Variants in METTL24 observed in about 807,000 individuals in gnomAD.
METTL24 encodes the protein probable methyltransferase-like protein 24.
Under a neutral mutation model 32.7 loss-of-function variants are expected in METTL24, and 29 were observed. That is an observed-to-expected ratio of 0.89 (90% CI 0.66 to 1.21). The LOEUF is 1.21. METTL24 is among the 50% of genes most tolerant of loss of function. The pLI is 0.00. For synonymous variants in METTL24, 163 were observed against 179.5 expected, an observed-to-expected ratio of 0.91 and a Z score of 0.73; for missense variants, 439 against 468.1, an observed-to-expected ratio of 0.94 and a Z score of 0.57.
intron 2 of METTL24, among the ~76,000 whole-genome samples, chr6:110,319,728 T>C (rs1375375958): frequency 1.3e-5 from 2 of 150,930 alleles, no homozygotes; most frequent in East Asian, 1.9e-4. Context: ...AAAAAAAAAA[T>C]AGTACCTAAT....
chr6:110,321,266 T>C (rs1771925825), intron 2 of METTL24, among the ~76,000 whole-genome samples: 1 of 151,736 alleles, frequency 6.6e-6, no homozygotes, highest in South Asian at 2.1e-4. Flanking sequence ...AAAAGAAAAA[T>C]TTTCTCCTCT....
chr6:110,323,197 A>G (rs190303920), intron 1 of METTL24, among the ~76,000 whole-genome samples: 10 of 152,304 alleles, frequency 6.6e-5, no homozygotes, highest in Admixed American at 1.3e-4. Flanking sequence ...ACTGCAGCTT[A>G]TTTTATATGA....
At chr6:110,274,162 G>A (rs1490730800) in intron 4 of METTL24, among the ~76,000 whole-genome samples, 5 of 152,012 alleles carry the variant, frequency 3.3e-5, no homozygotes, top group Non-Finnish European at 5.9e-5. Flanking sequence ...GCATGATCTC[G>A]GCTCACTACA....
intron 4 of METTL24, among the ~76,000 whole-genome samples, chr6:110,285,524 C>G (rs1293602008): frequency 6.6e-6 from 1 of 152,152 alleles, no homozygotes; most frequent in Non-Finnish European, 1.5e-5. Context: ...CAGAAATGGC[C>G]AGCATGGGTG....
chr6:110,355,190 G>T (rs144640911), intron 1 of METTL24, among the ~76,000 whole-genome samples: 2 of 152,140 alleles, frequency 1.3e-5, no homozygotes, highest in Admixed American at 6.6e-5. Flanking sequence ...CATTCCAAGT[G>T]GGGGAGGGGT....
intron 1 of METTL24, among the ~76,000 whole-genome samples, chr6:110,336,738 CAAAAA>C (rs57378153): frequency 0.036 from 4,758 of 131,342 alleles, 240 homozygotes; most frequent in African/African-American, 0.13. Context: ...GACTCCGCCT[CAAAAA>C]AAAAAAAAAA....
At chr6:110,296,098 A>G (rs1311115043) in intron 4 of METTL24, among the ~76,000 whole-genome samples, 1 of 152,204 alleles carries the variant, frequency 6.6e-6, no homozygotes, top group Non-Finnish European at 1.5e-5. Flanking sequence ...AACCTAGATT[A>G]ATGAGCTTAC....
At chr6:110,253,474 T>A (rs1584104287) in intron 4 of METTL24, among the ~76,000 whole-genome samples, 1 of 152,170 alleles carries the variant, frequency 6.6e-6, no homozygotes, top group Non-Finnish European at 1.5e-5. Flanking sequence ...AATCTTTTTT[T>A]AAAAAGGTAA....
intron 2 of METTL24, among the ~76,000 whole-genome samples, chr6:110,320,585 G>C (rs1771914355): frequency 6.6e-6 from 1 of 152,132 alleles, no homozygotes; most frequent in South Asian, 2.1e-4. Flanking sequence ...CATTCTTTCT[G>C]GAGGACAAAA....
At chr6:110,265,303 T>C (rs985662855) in intron 4 of METTL24, among the ~76,000 whole-genome samples, 5 of 152,170 alleles carry the variant, frequency 3.3e-5, no homozygotes, top group African/African-American at 1.2e-4. Context: ...AGTTTGCACA[T>C]TAATACAAAT....
At chr6:110,321,854 C>T (rs566886748) in intron 2 of METTL24, among the ~76,000 whole-genome samples, 1 of 152,294 alleles carries the variant, frequency 6.6e-6, no homozygotes, top group Non-Finnish European at 1.5e-5. Context: ...AGGAAAAGCG[C>T]TTTGCTGCCA....
At chr6:110,295,005 C>CTTT (rs1562228256) in intron 4 of METTL24, among the ~76,000 whole-genome samples, 14 of 96,852 alleles carry the variant, frequency 1.4e-4, no homozygotes, top group African/African-American at 5.7e-4. Context: ...TTCTTTTTTT[C>CTTT]TTTCTTTCTT....
intron 3 of METTL24, among the ~76,000 whole-genome samples, chr6:110,306,954 G>A (rs1007868665): frequency 2.6e-5 from 4 of 152,158 alleles, no homozygotes; most frequent in East Asian, 3.8e-4. Context: ...AGACAATAAC[G>A]CTCCATGAGG....
At chr6:110,340,251 A>AGGGGGGGGGGGGGGG (rs1772327951) in intron 1 of METTL24, among the ~76,000 whole-genome samples, 1 of 137,642 alleles carries the variant, frequency 7.3e-6, no homozygotes, top group African/African-American at 2.7e-5. Context: ...GGTGGTGAGG[A>AGGGGGGGGGGGGGGG]GGGGTCCTGA....
At chr6:110,295,708 T>A (rs1050379402) in intron 4 of METTL24, among the ~76,000 whole-genome samples, 1 of 151,686 alleles carries the variant, frequency 6.6e-6, no homozygotes, top group Non-Finnish European at 1.5e-5. Flanking sequence ...AAAGCTCTCA[T>A]TAAAAACTCT....
At chr6:110,292,394 T>G (rs995032277) in intron 4 of METTL24, among the ~76,000 whole-genome samples, 1 of 152,170 alleles carries the variant, frequency 6.6e-6, no homozygotes, top group Non-Finnish European at 1.5e-5. Context: ...AACTATAGTT[T>G]TATTTGTCTT....
At chr6:110,294,088 A>C (rs1366885470) in intron 4 of METTL24, among the ~76,000 whole-genome samples, 1 of 152,110 alleles carries the variant, frequency 6.6e-6, no homozygotes, top group Non-Finnish European at 1.5e-5. Context: ...AGATAGATTT[A>C]TTATGGAAGT....
chr6:110,350,817 T>TAAAATAAAATAAAATAAAAA, intron 1 of METTL24, among the ~76,000 whole-genome samples: 1 of 134,694 alleles, frequency 7.4e-6, no homozygotes, highest in African/African-American at 2.7e-5. Flanking sequence ...TAAAATAAAA[T>TAAAATAAAATAAAATAAAAA]AAAAAATTAG....
intron 3 of METTL24, among the ~76,000 whole-genome samples, chr6:110,300,144 T>C (rs916592995): frequency 6.6e-6 from 1 of 152,082 alleles, no homozygotes; most frequent in Non-Finnish European, 1.5e-5. Flanking sequence ...TCAACCAACA[T>C]GGATCAGAAA....
Sources: allele counts gnomAD v4.1 joint callset (sites outside exome capture counted in the v4.1 genomes callset), GRCh38; gene constraint gnomAD v4.1.1; transcripts MANE v1.5; gene names NCBI Gene and HGNC (gene_info 2026-07-23, HGNC 2026-07-21).